PCDHGA8: variants seen among roughly 807,000 people sequenced by gnomAD.
The protein encoded by PCDHGA8 is protocadherin gamma-A8.
A neutral mutation model predicts 59.2 loss-of-function variants in PCDHGA8; 45 were observed. That is an observed-to-expected ratio of 0.76 (90% confidence interval 0.60 to 0.98). The LOEUF (loss-of-function observed/expected upper bound fraction) is 0.98, where lower values mean the gene tolerates loss of function less well. Ranked by LOEUF, PCDHGA8 falls within the 50% of genes least tolerant of loss-of-function variation. PCDHGA8 has a pLI of 0.00. For synonymous variants in PCDHGA8, 531 were observed against 519.0 expected (o/e 1.02, Z -0.32); for missense variants, 1,257 against 1,196.2 (o/e 1.05, Z -0.75).
At chr5:141,399,922 T>C in intron 1 of PCDHGA8, 1 of 1,612,334 alleles carries the variant, frequency 6.2e-7, no homozygotes, top group African/African-American at 1.3e-5. Flanking sequence ...ACACAACGCC[T>C]GGCTGTCCTA....
intron 1 of PCDHGA8, among the ~76,000 whole-genome samples, chr5:141,467,116 A>T (rs981562543): frequency 2.0e-5 from 3 of 150,560 alleles, no homozygotes; most frequent in Non-Finnish European, 4.4e-5. Flanking sequence ...ACAATGGTGC[A>T]ATCTCAGCTC....
At chr5:141,418,455 C>G (rs1287627325) in intron 1 of PCDHGA8, 3 of 1,613,990 alleles carry the variant, frequency 1.9e-6, no homozygotes, top group Non-Finnish European at 2.5e-6. Flanking sequence ...TTGCAGAAGA[C>G]TCTGGACCGA....
intron 1 of PCDHGA8, chr5:141,418,609 C>G: frequency 6.2e-7 from 1 of 1,614,026 alleles, no homozygotes. Flanking sequence ...ACAGGGTTAG[C>G]CTTCGGGAAG....
At chr5:141,470,548 A>G (rs2099232978) in intron 1 of PCDHGA8, among the ~76,000 whole-genome samples, 1 of 152,182 alleles carries the variant, frequency 6.6e-6, no homozygotes, top group Non-Finnish European at 1.5e-5. Context: ...ATATTTATTG[A>G]GAGTTTCCTC....
At chr5:141,404,759 T>G (rs1466446291) in intron 1 of PCDHGA8, 1 of 1,613,632 alleles carries the variant, frequency 6.2e-7, no homozygotes, top group Admixed American at 1.7e-5. Flanking sequence ...CCAGAATGCT[T>G]GGCTCTCCTA....
chr5:141,418,996 TG>T (rs745777250), intron 1 of PCDHGA8: 13 of 1,613,756 alleles, frequency 8.1e-6, no homozygotes, highest in Non-Finnish European at 1.1e-5. Flanking sequence ...CAGGGGAAAA[TG>T]GGGAAGTCAG....
At chr5:141,488,083 C>T (rs917074240) in intron 1 of PCDHGA8, among the ~76,000 whole-genome samples, 1 of 152,152 alleles carries the variant, frequency 6.6e-6, no homozygotes, top group African/African-American at 2.4e-5. Context: ...GTATCTAGTA[C>T]ACTGTGAAGG....
At chr5:141,404,436 C>A in intron 1 of PCDHGA8, 1 of 1,612,704 alleles carries the variant, frequency 6.2e-7, no homozygotes, top group Non-Finnish European at 8.5e-7. Flanking sequence ...GCAGAGGATA[C>A]CATCCAAGGG....
intron 1 of PCDHGA8, among the ~76,000 whole-genome samples, chr5:141,475,520 C>T (rs2099364531): frequency 6.6e-6 from 1 of 152,204 alleles, no homozygotes; most frequent in Non-Finnish European, 1.5e-5. Context: ...CACGGAAATG[C>T]TAAATGCCTC....
In PCDHGA8 at chr5:141,493,811, A is replaced by T. The variant is rs956872917; in HGVS notation, c.2425-996A>T. Reference sequence around the variant, plus strand: ...CTCCCTGGAGTAATCTGAGATACTCACACTCTCTGCTTCTGGGAGCAAGTA... The same window carrying T: ...CTCCCTGGAGTAATCTGAGATACTCTCACTCTCTGCTTCTGGGAGCAAGTA... On this transcript the variant is annotated intron_variant, in intron 1 of 3. Transcript: ENST00000398604. The surrounding 1 kb of genome is among the most constrained non-coding windows in gnomAD (Gnocchi z 4.3). Among the ~76,000 whole-genome samples the T allele has an allele frequency of 1.3e-5, 2 of 152,154 alleles. No homozygotes were observed. The highest frequency in any genetic ancestry group is 2.9e-5 in the Non-Finnish European group (2 of 68,036).
intron 1 of PCDHGA8, chr5:141,427,980 G>A (rs1398178738): frequency 6.3e-7 from 1 of 1,596,206 alleles, no homozygotes. Context: ...CCCCGCGCTG[G>A]GGCCCGATGG....
Position 141,477,920 on chromosome 5 carries a change from C to A in PCDHGA8, c.2425-16887C>A, listed in dbSNP as rs755219711. ...GGTAGGCTGGGACGCGGATGCAGGGCACAATGCCTGGCTCTCCTACAGTCT... is the reference window on the plus strand; with the variant it reads ...GGTAGGCTGGGACGCGGATGCAGGGAACAATGCCTGGCTCTCCTACAGTCT... On this transcript the variant is annotated intron_variant, in intron 1 of 3. Transcript: ENST00000398604. The surrounding 1 kb of genome is among the most constrained non-coding windows in gnomAD (Gnocchi z 4.9). The A allele has an allele frequency of 6.2e-7, 1 of 1,614,180 alleles. No individual in the cohort carries two copies. The highest frequency in any genetic ancestry group is 8.5e-7 in the Non-Finnish European group (1 of 1,180,038).
At position 141,491,733 on chromosome 5, in the gene PCDHGA8, TGGGGGCGGCAC is replaced by T; in HGVS notation, c.2425-3073_2425-3063del. 1.9e-6 allele frequency: 3 copies of T among 1,602,698 alleles called. No individual in the cohort carries two copies. The highest frequency in any genetic ancestry group is 2.6e-6 in the Non-Finnish European group (3 of 1,175,258). On this transcript the variant is annotated intron_variant, in intron 1 of 3. Coordinates refer to ENST00000398604, the MANE Select transcript of PCDHGA8 (RefSeq NM_032088.2). The surrounding 1 kb of genome is among the most constrained non-coding windows in gnomAD (Gnocchi z 6.9). ...GCTCGGCGCCGCCCCGGGCGACCCC[TGGGGGCGGCAC>T]TGGAGAAGCCGCCCGTCCTCATAAG...
chr5:141,481,900 C>T (rs949418188), intron 1 of PCDHGA8, among the ~76,000 whole-genome samples: 13 of 126,002 alleles, frequency 1.0e-4, no homozygotes, highest in African/African-American at 3.2e-4. Flanking sequence ...GGTGAAAGAG[C>T]GAAACTCCAT....
At chr5:141,410,438 G>T (rs957017717) in intron 1 of PCDHGA8, 1 of 1,613,894 alleles carries the variant, frequency 6.2e-7, no homozygotes, top group African/African-American at 1.3e-5. Flanking sequence ...CTACAGTGAG[G>T]GGACTTTGCC....
At chr5:141,440,954 G>A (rs908507291) in intron 1 of PCDHGA8, 9 of 152,184 alleles carry the variant, frequency 5.9e-5, no homozygotes, top group Non-Finnish European at 1.0e-4. Flanking sequence ...GAGTGTCAAG[G>A]CAGAGATCAC....
chr5:141,487,813 TG>T lies in PCDHGA8; in HGVS notation c.2425-6989del. 7.2e-7 allele frequency: 1 copy of T among 1,384,138 alleles called. No homozygotes were observed. 85.7% of individuals were successfully genotyped at this position (1,384,138 alleles called of 1,614,324 possible). A position where few individuals can be genotyped will look rare whatever the true frequency, so the allele number is the denominator to read the frequency against. On this transcript the variant is annotated intron_variant, in intron 1 of 3. Transcript: ENST00000398604. This position sits in a 1 kb window ranked among gnomAD's most constrained non-coding sequence, Gnocchi z 5.0. Reference sequence around the variant, plus strand: ...AACCAGAGTTGTCACAGTTTAGCATTGGGGGCGGGTCATGCCTATATCTGAG... The same window carrying T: ...AACCAGAGTTGTCACAGTTTAGCATTGGGGCGGGTCATGCCTATATCTGAG...
chr5:141,475,553 T>A (rs1159585016), intron 1 of PCDHGA8, among the ~76,000 whole-genome samples: 2 of 152,260 alleles, frequency 1.3e-5, no homozygotes, highest in Non-Finnish European at 2.9e-5. Flanking sequence ...GTCCGGCTAA[T>A]TGTCTGTCTT....
At chr5:141,474,807 A>C (rs945920397) in intron 1 of PCDHGA8, among the ~76,000 whole-genome samples, 8 of 152,364 alleles carry the variant, frequency 5.3e-5, no homozygotes, top group Admixed American at 1.3e-4. Context: ...AGTGGTTTGC[A>C]TCATTAATTG....
Sources: gnomAD v4.1 joint callset for allele counts (sites outside exome capture counted in the v4.1 genomes callset) on GRCh38, gnomAD v4.1.1 for gene constraint, Gnocchi (gnomAD v3.1) non-coding constraint, MANE v1.5 for transcripts, NCBI Gene and HGNC (gene_info 2026-07-23, HGNC 2026-07-21) for gene names.